The following MYO1D variants were observed in gnomAD, a reference collection of about 807,000 sequenced individuals.
MYO1D encodes the protein unconventional myosin-Id.
A neutral mutation model predicts 122.0 loss-of-function variants in MYO1D; 83 were observed. The ratio of observed to expected loss-of-function variants is 0.68; its 90% CI spans 0.57 to 0.82. The LOEUF is 0.82. MYO1D is among the 40% of genes least tolerant of loss of function. MYO1D has a pLI of 0.00. For missense variants in MYO1D, 1,157 were observed against 1,269.5 expected (o/e 0.91, Z 1.35); for synonymous variants, 464 against 446.9 (o/e 1.04, Z -0.48).
In MYO1D at chr17:32,811,172, G is replaced by A. The variant is rs73283729; in HGVS notation, c.96-30388C>T. Among the ~76,000 whole-genome samples, 758 of 152,328 alleles carry A rather than the reference G, an allele frequency of 5.0e-3. 7 individuals are homozygous for A. Among genetic ancestry groups the A allele is most frequent in the African/African-American group, 0.017 (713 of 41,582 alleles). On this transcript the variant is annotated intron_variant, in intron 1 of 21. Coordinates refer to ENST00000318217, the MANE Select transcript of MYO1D (RefSeq NM_015194.3). ...TCTCAAAAGGGCATCTACATTTCCA[G>A]TTCAGACATTTCTTCCAACTGCCTA...
In MYO1D at chr17:32,720,973, G is replaced by A. The variant is rs539189033; in HGVS notation, c.1913+50C>T. 1.4e-5 allele frequency: 22 copies of A among 1,547,408 alleles called. No homozygotes were observed. In the African/African-American group the frequency reaches 2.6e-4, roughly 18 times the overall value. On this transcript the variant is annotated intron_variant, in intron 15 of 21. Transcript: ENST00000318217. ...TGCTGATGCACTATTGTACGGGGAGGACTCCCTTATTCTCAGTGAACTAGG... is the reference window on the plus strand; with the variant it reads ...TGCTGATGCACTATTGTACGGGGAGAACTCCCTTATTCTCAGTGAACTAGG...
chr17:32,508,071 A>G (rs1012519423), intron 21 of MYO1D, among the ~76,000 whole-genome samples: 1 of 151,410 alleles, frequency 6.6e-6, no homozygotes, highest in Non-Finnish European at 1.5e-5. Context: ...CAATTTTTGT[A>G]TTTTTAGTAC....
intron 11 of MYO1D, among the ~76,000 whole-genome samples, chr17:32,755,201 C>T (rs574639815): frequency 6.6e-6 from 1 of 152,214 alleles, no homozygotes; most frequent in Admixed American, 6.5e-5. Flanking sequence ...CTATTGGTTA[C>T]AAATGACATC....
At position 32,776,068 on chromosome 17, in the gene MYO1D, T is replaced by C. The variant is rs376518223; in HGVS notation, c.399-39A>G. ...AAATGAAAGTCATTATAAAAACTTA[T>C]AGAGACTAGAATTTTTTAAAAACTG... On this transcript the variant is annotated intron_variant, in intron 3 of 21. Transcript: ENST00000318217. 1.1e-3 allele frequency: 1,752 copies of C among 1,571,412 alleles called. 5 individuals are homozygous for C. Among genetic ancestry groups the C allele is most frequent in the Admixed American group, 2.5e-3 (127 of 51,052 alleles).
At chr17:32,751,838 A>T (rs1298387166) in intron 11 of MYO1D, among the ~76,000 whole-genome samples, 1 of 152,244 alleles carries the variant, frequency 6.6e-6, no homozygotes, top group Non-Finnish European at 1.5e-5. Context: ...TGTCATTAAA[A>T]TGCCCATACT....
rs60970438 is a variant in MYO1D, at chr17:32,578,220, T to C, written c.2864+26867A>G. On this transcript the variant is annotated intron_variant, in intron 21 of 21. Transcript: ENST00000318217. ...TCCCTTTGTTAATGGTCCTAAGTTC[T>C]TTTATTCAACCCACCAGAGGTCCAA... 1.5e-3 allele frequency among the ~76,000 whole-genome samples: 233 copies of C among 152,376 alleles called. 2 individuals are homozygous for C. Among genetic ancestry groups the C allele is most frequent in the African/African-American group, 5.4e-3 (225 of 41,588 alleles).
intron 21 of MYO1D, among the ~76,000 whole-genome samples, chr17:32,604,692 C>T (rs1403584767): frequency 6.6e-6 from 1 of 152,212 alleles, no homozygotes; most frequent in East Asian, 1.9e-4. Flanking sequence ...TGCAAACCAT[C>T]CCAAATCTGC....
chr17:32,605,964 G>C (rs2087622746), intron 20 of MYO1D, among the ~76,000 whole-genome samples: 1 of 151,940 alleles, frequency 6.6e-6, no homozygotes, highest in Admixed American at 6.6e-5. Flanking sequence ...GCCGGGCATG[G>C]AGGCGTGCGC....
At chr17:32,550,449 AT>A (rs1235703721) in intron 21 of MYO1D, among the ~76,000 whole-genome samples, 5 of 151,590 alleles carry the variant, frequency 3.3e-5, no homozygotes, top group African/African-American at 4.8e-5. Context: ...CAGAGTTGCA[AT>A]TTTTTTTTGG....
At chr17:32,780,474 T>G in intron 2 of MYO1D, 102 bp downstream of exon 2, 1 of 1,231,158 alleles carries the variant, frequency 8.1e-7, no homozygotes, top group Non-Finnish European at 1.2e-6. Context: ...TGCTCAGGCT[T>G]CTACCTTTAA....
chr17:32,536,695 A>G (rs1415202407), intron 21 of MYO1D, among the ~76,000 whole-genome samples: 1 of 152,236 alleles, frequency 6.6e-6, no homozygotes, highest in Non-Finnish European at 1.5e-5. Context: ...ATTATGCATT[A>G]TATTTTTCAT....
Position 32,544,803 on chromosome 17 carries a change from A to C in MYO1D, c.2865-49888T>G, listed in dbSNP as rs575339303. On this transcript the variant is annotated intron_variant, in intron 21 of 21. Coordinates refer to ENST00000318217, the MANE Select transcript of MYO1D (RefSeq NM_015194.3). ...TCAACACTTGTTCATGCATACACAT[A>C]TACACACACACTCATACTTACAACC... Among the ~76,000 whole-genome samples, 5 of 152,294 alleles carry C rather than the reference A, an allele frequency of 3.3e-5. No individual in the cohort carries two copies. The South Asian group carries it at 1.0e-3, about 32-fold the overall frequency.
chr17:32,580,966 A>C (rs2087333547), intron 21 of MYO1D, among the ~76,000 whole-genome samples: 1 of 152,218 alleles, frequency 6.6e-6, no homozygotes, highest in Non-Finnish European at 1.5e-5. Flanking sequence ...CTGGCCTCAG[A>C]ATGAGCTGGA....
At chr17:32,705,438 T>TC (rs1186936051) in intron 16 of MYO1D, among the ~76,000 whole-genome samples, 2 of 151,356 alleles carry the variant, frequency 1.3e-5, no homozygotes, top group Non-Finnish European at 3.0e-5. Context: ...TTTTTGTACT[T>TC]TTTTTTAGTA....
chr17:32,822,773 C>T (rs2090684965), intron 1 of MYO1D, among the ~76,000 whole-genome samples: 1 of 151,396 alleles, frequency 6.6e-6, no homozygotes, highest in Non-Finnish European at 1.5e-5. Flanking sequence ...GGGGCGTCCC[C>T]GCACCCGGCC....
At chr17:32,684,777 G>A (rs969704928) in intron 16 of MYO1D, among the ~76,000 whole-genome samples, 10 of 152,282 alleles carry the variant, frequency 6.6e-5, no homozygotes, top group African/African-American at 2.4e-4. Context: ...AGACTAGCAT[G>A]AATAAGCATC....
intron 21 of MYO1D, among the ~76,000 whole-genome samples, chr17:32,540,923 C>CA (rs33945323): frequency 0.017 from 1,424 of 83,504 alleles, 27 homozygotes; most frequent in South Asian, 0.039. Flanking sequence ...GACTTCGTCT[C>CA]AAAAAAAAAA....
intron 21 of MYO1D, among the ~76,000 whole-genome samples, chr17:32,515,179 T>C (rs1486131588): frequency 3.9e-5 from 6 of 152,230 alleles, no homozygotes; most frequent in African/African-American, 1.4e-4. Context: ...AAAGGACCTT[T>C]GCCCAGCCTC....
chr17:32,686,845 G>A (rs1252166221), intron 16 of MYO1D, among the ~76,000 whole-genome samples: 1 of 151,922 alleles, frequency 6.6e-6, no homozygotes, highest in Non-Finnish European at 1.5e-5. Flanking sequence ...CAGCCTGGGT[G>A]ATAAGAGTGA....
Sources: gnomAD v4.1 joint callset for allele counts (sites outside exome capture counted in the v4.1 genomes callset) on GRCh38, gnomAD v4.1.1 for gene constraint, MANE v1.5 for transcripts, NCBI Gene and HGNC (gene_info 2026-07-23, HGNC 2026-07-21) for gene names.